Variants in GALNT17 observed in about 807,000 individuals in gnomAD.
The protein encoded by GALNT17 is UDP-GalNAc:polypeptide N-acetylgalactosaminyltransferase-like 3.
GALNT17 carries 29 observed loss-of-function variants against 63.7 expected under a neutral mutation model. The observed-to-expected ratio is 0.46, with a 90% CI of 0.34 to 0.62. The LOEUF is 0.62. Ranked by LOEUF, GALNT17 falls within the 20% of genes least tolerant of loss-of-function variation. The pLI is 0.01. For synonymous variants in GALNT17, 305 were observed against 318.3 expected, an observed-to-expected ratio of 0.96 and a Z score of 0.45; for missense variants, 603 against 799.6, an observed-to-expected ratio of 0.75 and a Z score of 2.97.
chr7:71,688,974 A>G (rs889745193), intron 9 of GALNT17, among the ~76,000 whole-genome samples: 1 of 152,152 alleles, frequency 6.6e-6, no homozygotes, highest in Non-Finnish European at 1.5e-5. Context: ...GCTGTGTCAC[A>G]TTTTGGTAAT....
intron 6 of GALNT17, among the ~76,000 whole-genome samples, chr7:71,642,016 T>C (rs967987351): frequency 1.3e-5 from 2 of 152,156 alleles, no homozygotes; most frequent in African/African-American, 2.4e-5. Flanking sequence ...AGAGGCCCCA[T>C]TGAAGCTGAT....
At chr7:71,651,114 A>T (rs1234814123) in intron 6 of GALNT17, among the ~76,000 whole-genome samples, 1 of 151,486 alleles carries the variant, frequency 6.6e-6, no homozygotes, top group Non-Finnish European at 1.5e-5. Flanking sequence ...CCAGTGTTTG[A>T]ACTGTCAGAG....
intron 5 of GALNT17, among the ~76,000 whole-genome samples, chr7:71,510,000 A>G (rs1322837900): frequency 1.3e-5 from 2 of 151,980 alleles, no homozygotes; most frequent in African/African-American, 2.4e-5. Flanking sequence ...CCTGGAGTAC[A>G]GTGGTGCAAT....
chr7:71,168,185 G>T (rs1788480187), intron 1 of GALNT17, among the ~76,000 whole-genome samples: 1 of 152,180 alleles, frequency 6.6e-6, no homozygotes, highest in Non-Finnish European at 1.5e-5. Flanking sequence ...TGCTGTGTTT[G>T]TCTGTATTTG....
intron 5 of GALNT17, among the ~76,000 whole-genome samples, chr7:71,501,426 G>C (rs1456465281): frequency 6.6e-6 from 1 of 151,820 alleles, no homozygotes; most frequent in African/African-American, 2.4e-5. Flanking sequence ...CACCATGCCT[G>C]GCTAACTTTA....
chr7:71,132,796 C>A lies in GALNT17; in HGVS notation c.-7C>A. The A allele has an allele frequency of 6.3e-7, 1 of 1,591,862 alleles. No individual in the cohort carries two copies. The highest frequency in any genetic ancestry group is 1.1e-5 in the South Asian group (1 of 88,918). On this transcript the variant is annotated 5_prime_UTR_variant, in exon 1 of 11. It adds an upstream start codon to the 5' untranslated region. Coordinates refer to ENST00000333538, the MANE Select transcript of GALNT17 (RefSeq NM_022479.3). ...AGGTCCGGGGCGAGGGCCGGCCGGG[C>A]TGTTTGATGGCTTCACTGAGAAGAG...
intron 1 of GALNT17, among the ~76,000 whole-genome samples, chr7:71,240,612 C>CT (rs1398201085): frequency 6.6e-6 from 1 of 151,774 alleles, no homozygotes; most frequent in Admixed American, 6.6e-5. Flanking sequence ...TGGTTTTGTT[C>CT]TTTTTTATGC....
chr7:71,581,889 G>C (rs12333721), intron 6 of GALNT17, among the ~76,000 whole-genome samples: 17,311 of 152,092 alleles, frequency 0.11, 1,669 homozygotes, highest in African/African-American at 0.27. Context: ...ATTTGGCAGA[G>C]GGGTGCCAGG....
chr7:71,189,432 A>T (rs1300703590), intron 1 of GALNT17, among the ~76,000 whole-genome samples: 1 of 152,166 alleles, frequency 6.6e-6, no homozygotes, highest in Non-Finnish European at 1.5e-5. Context: ...TGTTCTGCCA[A>T]CAGAGGTGGT....
intron 6 of GALNT17, among the ~76,000 whole-genome samples, chr7:71,573,351 G>A (rs1789483429): frequency 6.6e-6 from 1 of 150,750 alleles, no homozygotes; most frequent in South Asian, 2.1e-4. Flanking sequence ...TATTTTTTGA[G>A]AAGTAGTCTT....
At chr7:71,396,625 C>A (rs1231732993) in intron 3 of GALNT17, among the ~76,000 whole-genome samples, 1 of 152,038 alleles carries the variant, frequency 6.6e-6, no homozygotes, top group East Asian at 1.9e-4. Context: ...ATATTAATTT[C>A]AAGACCAGCT....
rs931233458 is a variant in GALNT17, at chr7:71,135,115, G to A, written c.238+2075G>A. The stretch of plus-strand genomic sequence containing the variant: ...AATCCTCCTGCCTGGGCCTCCCAAA[G>A]TGTTGGGATGACAGGCGTGAGCCAC... On this transcript the variant is annotated intron_variant, in intron 1 of 10. Coordinates refer to ENST00000333538, the MANE Select transcript of GALNT17 (RefSeq NM_022479.3). 3.3e-5 allele frequency among the ~76,000 whole-genome samples: 5 copies of A among 152,196 alleles called. No homozygotes were observed. In the East Asian group the frequency reaches 9.7e-4, roughly 30 times the overall value.
chr7:71,292,318 G>C (rs1247851208), intron 1 of GALNT17, among the ~76,000 whole-genome samples: 1 of 152,164 alleles, frequency 6.6e-6, no homozygotes, highest in Non-Finnish European at 1.5e-5. Flanking sequence ...GCACACCTTG[G>C]TTGGGTGTTC....
intron 1 of GALNT17, among the ~76,000 whole-genome samples, chr7:71,290,583 T>C (rs1214417902): frequency 2.0e-5 from 3 of 152,140 alleles, no homozygotes; most frequent in African/African-American, 7.2e-5. Context: ...AGAAAGAGGC[T>C]GTCTGTAAAA....
chr7:71,386,790 G>C (rs747196092), intron 2 of GALNT17, among the ~76,000 whole-genome samples: 7 of 152,172 alleles, frequency 4.6e-5, no homozygotes, highest in Non-Finnish European at 8.8e-5. Context: ...AGAAGAGCTG[G>C]TGTGCCTTAG....
chr7:71,187,313 C>T (rs1393029555), intron 1 of GALNT17, among the ~76,000 whole-genome samples: 23 of 136,304 alleles, frequency 1.7e-4, no homozygotes, highest in African/African-American at 6.5e-4. Flanking sequence ...TAGAGGTGGG[C>T]GTATTGCTGT....
intron 2 of GALNT17, among the ~76,000 whole-genome samples, chr7:71,363,227 A>G (rs1792439456): frequency 6.6e-6 from 1 of 152,146 alleles, no homozygotes; most frequent in African/African-American, 2.4e-5. Context: ...TCGGCCTCCC[A>G]AAGTGCTGGG....
intron 1 of GALNT17, among the ~76,000 whole-genome samples, chr7:71,246,689 G>C (rs1462721183): frequency 1.3e-5 from 2 of 151,752 alleles, no homozygotes; most frequent in Non-Finnish European, 2.9e-5. Flanking sequence ...AATTAGCCGG[G>C]CATGTGGCGG....
intron 1 of GALNT17, among the ~76,000 whole-genome samples, chr7:71,256,657 C>T (rs925447346): frequency 5.3e-5 from 8 of 152,240 alleles, no homozygotes; most frequent in Non-Finnish European, 7.3e-5. Flanking sequence ...TCAGGACTTC[C>T]TGAGGCTGTG....
Sources: gnomAD v4.1 joint callset for allele counts (sites outside exome capture counted in the v4.1 genomes callset) on GRCh38, gnomAD v4.1.1 for gene constraint, MANE v1.5 for transcripts, NCBI Gene and HGNC (gene_info 2026-07-23, HGNC 2026-07-21) for gene names.